Variants in CYP7B1 observed in about 807,000 individuals in gnomAD.
CYP7B1 encodes the protein cytochrome P450 family 7 subfamily B member 1, also known as cytochrome P450 7B1.
In CYP7B1, 29 loss-of-function variants were observed where a neutral mutation model predicts 42.7. The ratio of observed to expected loss-of-function variants is 0.68; its 90% CI spans 0.51 to 0.93. The LOEUF (loss-of-function observed/expected upper bound fraction) is 0.93. Ranked by LOEUF, CYP7B1 falls within the 40% of genes least tolerant of loss-of-function variation. The pLI, the probability that CYP7B1 is intolerant of heterozygous loss-of-function variation, is 0.00. For missense variants in CYP7B1, 655 were observed against 600.5 expected (o/e 1.09, Z -0.95); for synonymous variants, 235 against 218.2 (o/e 1.08, Z -0.68).
chr8:64,587,331 G>A (rs180880263), downstream of CYP7B1, among the ~76,000 whole-genome samples: 7 of 152,334 alleles, frequency 4.6e-5, no homozygotes, highest in African/African-American at 1.4e-4. Context: ...TGGGACCGAC[G>A]TTTCCAGTCA....
At chr8:64,707,844 T>A (rs1455357243) in intron 1 of CYP7B1, among the ~76,000 whole-genome samples, 2 of 152,300 alleles carry the variant, frequency 1.3e-5, no homozygotes. Flanking sequence ...ATGTGTTTTT[T>A]AAAATAATTC....
rs761840074 is a variant in CYP7B1, at chr8:64,798,665, C to T, written c.-78G>A. The T allele has an allele frequency of 2.4e-5, 34 of 1,397,676 alleles. No individual in the cohort carries two copies. Among genetic ancestry groups the T allele is most frequent in the Non-Finnish European group, 2.2e-5 (24 of 1,079,728 alleles). 86.6% of individuals were successfully genotyped at this position (1,397,676 alleles called of 1,614,324 possible). A position where few individuals can be genotyped will look rare whatever the true frequency, so the allele number is the denominator to read the frequency against. ...CGGTCGGCGACTCTGCAGCCTGCGG[C>T]GGCTTCTCTCGGCGGCGCCCCCTAG... On this transcript the variant is annotated 5_prime_UTR_variant, in exon 1 of 6. Coordinates refer to ENST00000310193, the MANE Select transcript of CYP7B1 (RefSeq NM_004820.5).
chr8:64,718,921 T>A (rs1428709937), intron 1 of CYP7B1, among the ~76,000 whole-genome samples: 2 of 152,208 alleles, frequency 1.3e-5, no homozygotes, highest in Non-Finnish European at 2.9e-5. Flanking sequence ...CAAGGCTCCA[T>A]CTGTTCTACT....
At chr8:64,719,522 G>T (rs1807207492) in intron 1 of CYP7B1, among the ~76,000 whole-genome samples, 1 of 152,174 alleles carries the variant, frequency 6.6e-6, no homozygotes, top group Admixed American at 6.5e-5. Context: ...CGCTGCCTTT[G>T]GGTTCACAAG....
chr8:64,691,519 T>A (rs1427996105), intron 1 of CYP7B1, among the ~76,000 whole-genome samples: 2 of 143,598 alleles, frequency 1.4e-5, no homozygotes, highest in East Asian at 4.1e-4. Context: ...GGAATGTGGA[T>A]GGCCTCCAAA....
intron 1 of CYP7B1, among the ~76,000 whole-genome samples, chr8:64,707,855 A>T (rs755111150): frequency 6.6e-6 from 1 of 152,148 alleles, no homozygotes; most frequent in Non-Finnish European, 1.5e-5. Flanking sequence ...AAAATAATTC[A>T]CTATCAAAGT....
At chr8:64,638,196 A>G (rs1277472573) in intron 1 of CYP7B1, among the ~76,000 whole-genome samples, 1 of 150,342 alleles carries the variant, frequency 6.7e-6, no homozygotes. Context: ...TTTTAAAGTT[A>G]TGCTTTCTCT....
intron 5 of CYP7B1, among the ~76,000 whole-genome samples, chr8:64,597,406 T>A (rs1036526337): frequency 2.0e-5 from 3 of 152,202 alleles, no homozygotes; most frequent in Non-Finnish European, 4.4e-5. Context: ...CAGCTACTGA[T>A]AGATGAGAAC....
At chr8:64,696,930 A>C (rs1806837497) in intron 1 of CYP7B1, among the ~76,000 whole-genome samples, 2 of 152,174 alleles carry the variant, frequency 1.3e-5, no homozygotes, top group Admixed American at 6.5e-5. Flanking sequence ...TTTCTTGTAC[A>C]TTTCTGGAAT....
intron 1 of CYP7B1, among the ~76,000 whole-genome samples, chr8:64,692,220 A>T (rs13261981): frequency 0.11 from 16,130 of 152,286 alleles, 1,126 homozygotes; most frequent in Non-Finnish European, 0.16. Flanking sequence ...ATAAGGGGAT[A>T]CCCTGACTAG....
At chr8:64,776,552 A>C (rs1213764351) in intron 1 of CYP7B1, among the ~76,000 whole-genome samples, 2 of 152,132 alleles carry the variant, frequency 1.3e-5, no homozygotes, top group African/African-American at 4.8e-5. Flanking sequence ...GAGACAATTC[A>C]ATCGTGTTCC....
In CYP7B1 at chr8:64,759,910, C is replaced by A. The variant is rs558387963; in HGVS notation, c.122+38556G>T. Among the ~76,000 whole-genome samples the A allele has an allele frequency of 3.9e-5, 6 of 152,152 alleles. No homozygotes were observed. In the South Asian group the frequency reaches 8.3e-4, roughly 21 times the overall value. On this transcript the variant is annotated intron_variant, in intron 1 of 5. Coordinates refer to ENST00000310193, the MANE Select transcript of CYP7B1 (RefSeq NM_004820.5). ...ATATACAAAAGTTAAAACAGAAGTT[C>A]ACCATTTTATTTTCAGTTTTTTAAG...
intron 1 of CYP7B1, among the ~76,000 whole-genome samples, chr8:64,794,378 A>G (rs1804672187): frequency 1.3e-5 from 2 of 152,360 alleles, no homozygotes; most frequent in South Asian, 2.1e-4. Flanking sequence ...TTTGAATTTC[A>G]TCTGCCTTAG....
At chr8:64,760,615 A>T (rs1332413643) in intron 1 of CYP7B1, among the ~76,000 whole-genome samples, 1 of 152,118 alleles carries the variant, frequency 6.6e-6, no homozygotes, top group East Asian at 1.9e-4. Flanking sequence ...GACATCACCA[A>T]TCATCTGAGA....
At chr8:64,792,462 G>A (rs1006738764) in intron 1 of CYP7B1, among the ~76,000 whole-genome samples, 6 of 152,194 alleles carry the variant, frequency 3.9e-5, no homozygotes, top group South Asian at 2.1e-4. Flanking sequence ...TTTTGCTAGC[G>A]GTGGGAAGAA....
chr8:64,787,390 CG>C (rs1272280063), intron 1 of CYP7B1, among the ~76,000 whole-genome samples: 2 of 152,186 alleles, frequency 1.3e-5, no homozygotes, highest in Non-Finnish European at 2.9e-5. Context: ...TCTCTGGGGC[CG>C]GGGCAAAATG....
At chr8:64,741,473 C>T (rs1807567210) in intron 1 of CYP7B1, among the ~76,000 whole-genome samples, 1 of 152,064 alleles carries the variant, frequency 6.6e-6, no homozygotes, top group South Asian at 2.1e-4. Context: ...GCATGCACCA[C>T]CATGCCCAGC....
chr8:64,662,425 T>C (rs1027350236), intron 1 of CYP7B1, among the ~76,000 whole-genome samples: 1 of 152,194 alleles, frequency 6.6e-6, no homozygotes, highest in Non-Finnish European at 1.5e-5. Context: ...ATGCTTTCCA[T>C]GATCTAATTT....
chr8:64,679,503 T>C (rs1031168754), intron 1 of CYP7B1, among the ~76,000 whole-genome samples: 2 of 152,196 alleles, frequency 1.3e-5, no homozygotes, highest in African/African-American at 4.8e-5. Flanking sequence ...GTAAATCCTA[T>C]CAGAGACAGT....
Sources: gnomAD v4.1 joint callset for allele counts (sites outside exome capture counted in the v4.1 genomes callset) on GRCh38, gnomAD v4.1.1 for gene constraint, MANE v1.5 for transcripts, NCBI Gene and HGNC (gene_info 2026-07-23, HGNC 2026-07-21) for gene names.